The following SP3 variants were observed in gnomAD, a reference collection of about 807,000 sequenced individuals.
The protein encoded by SP3 is transcription factor Sp3.
SP3 carries 10 observed loss-of-function variants against 70.3 expected under a neutral mutation model. That is an observed-to-expected ratio of 0.14 (90% confidence interval 0.09 to 0.24). The LOEUF is 0.24. SP3 is among the 10% of genes least tolerant of loss of function. The pLI, the probability that SP3 is intolerant of heterozygous loss-of-function variation, is 1.00. For synonymous variants in SP3, 402 were observed against 333.5 expected (o/e 1.21, Z -2.24); for missense variants, 825 against 914.6 (o/e 0.90, Z 1.26).
chr2:173,964,467 C>G lies in SP3; in HGVS notation c.94G>C (p.Glu32Gln), dbSNP rs1470941593. The part of the protein sequence containing the change: ...GGGGGGGGHG[E>Q]YLQQQQQHGN... ...TGCTGTTGCTGCTGCTGCAGATACT[C>G]GCCGTGGCCGCCGCCGCCGCCACCG... Residue 32 changes from glutamate (E) to glutamine (Q), a missense_variant, in exon 2 of 7, where the codon GAG (glutamate) becomes CAG (glutamine). Around this residue, in one of 4 missense-constraint regions of SP3, gnomAD observed 678 missense variants for 651.6 expected, o/e 1.04. Coordinates refer to ENST00000310015, the MANE Select transcript of SP3 (RefSeq NM_003111.5). 2 of 710,838 alleles carry G rather than the reference C, an allele frequency of 2.8e-6. No individual in the cohort carries two copies. Among genetic ancestry groups the G allele is most frequent in the Non-Finnish European group, 5.2e-6 (2 of 385,018 alleles). The allele number at this position is 710,838 out of a possible 1,614,324, so 44.0% of individuals were successfully genotyped here. A position where few individuals can be genotyped will look rare whatever the true frequency, so the allele number is the denominator to read the frequency against.
intron 4 of SP3, among the ~76,000 whole-genome samples, chr2:173,925,836 A>G (rs1399088842): frequency 6.6e-6 from 1 of 152,204 alleles, no homozygotes; most frequent in Non-Finnish European, 1.5e-5. Context: ...TTTACTATAA[A>G]GGTTTTTTTA....
chr2:173,917,671 T>C (rs1689647485), intron 5 of SP3, among the ~76,000 whole-genome samples: 1 of 152,134 alleles, frequency 6.6e-6, no homozygotes, highest in African/African-American at 2.4e-5. Context: ...TATGTTAATT[T>C]TCACCATGAC....
At chr2:173,924,991 T>C (rs560541630) in intron 4 of SP3, among the ~76,000 whole-genome samples, 1 of 152,240 alleles carries the variant, frequency 6.6e-6, no homozygotes, top group African/African-American at 2.4e-5. Flanking sequence ...AGGTTCAAAC[T>C]ATTCTCCTGC....
chr2:173,924,973 C>T (rs1206759616), intron 4 of SP3, among the ~76,000 whole-genome samples: 3 of 152,166 alleles, frequency 2.0e-5, no homozygotes, highest in African/African-American at 4.8e-5. Flanking sequence ...CTGCAACCTC[C>T]ACCTCCCAGG....
chr2:173,950,206 G>A (rs953980554), intron 4 of SP3, among the ~76,000 whole-genome samples: 1 of 151,702 alleles, frequency 6.6e-6, no homozygotes. Flanking sequence ...AAAAAGAAGG[G>A]AACAAAGTCA....
In SP3 at chr2:173,950,319, T is replaced by TAA. The variant is rs59056112; in HGVS notation, c.1639+4552_1639+4553dup. On this transcript the variant is annotated intron_variant, in intron 4 of 6. Transcript: ENST00000310015. ...AAAGGCAAGTTCCAGAGCCCTGGTT[T>TAA]AAAAAAAAAAAAAGTACTTTCTCCT... Among the ~76,000 whole-genome samples, 706 of 144,852 alleles carry TAA rather than the reference T, an allele frequency of 4.9e-3. 12 individuals carry two copies. Among genetic ancestry groups the TAA allele is most frequent in the Admixed American group, 0.033 (477 of 14,564 alleles).
chr2:173,944,536 A>T (rs1291064024), intron 4 of SP3, among the ~76,000 whole-genome samples: 4 of 152,214 alleles, frequency 2.6e-5, no homozygotes, highest in African/African-American at 9.6e-5. Context: ...AAAACTGTTA[A>T]GTTGAATACA....
chr2:173,902,735 G>A lies in SP3; in HGVS notation c.*7206C>T, dbSNP rs7591279. On this transcript the variant is annotated 3_prime_UTR_variant, in exon 7 of 7. Transcript: ENST00000310015. Reference sequence around the variant, plus strand: ...TTGTACAGAATGATACCATTTATATGAAGTTTCAAAATCAGAAAAACAATC... The same window carrying A: ...TTGTACAGAATGATACCATTTATATAAAGTTTCAAAATCAGAAAAACAATC... Among the ~76,000 whole-genome samples the A allele has an allele frequency of 0.038, 5,770 of 152,218 alleles. 154 individuals carry two copies. The highest frequency in any genetic ancestry group is 0.1 in the Admixed American group (1,578 of 15,276).
rs769266211 is a variant in SP3, at chr2:173,956,071, C to A, written c.441G>T (p.Gln147His). 2 of 1,614,104 alleles carry A rather than the reference C, an allele frequency of 1.2e-6. No homozygotes were observed. Among genetic ancestry groups the A allele is most frequent in the South Asian group, 1.1e-5 (1 of 91,076 alleles). ...GTGCAACGGAAAATATTTGTTGATTCTGCAAATTCTGAAGGGGAAGAACAT... is the reference window on the plus strand; with the variant it reads ...GTGCAACGGAAAATATTTGTTGATTATGCAAATTCTGAAGGGGAAGAACAT... ...GQYVLPLQNL[Q>H]NQQIFSVAPG... is the part of the protein sequence containing the mutation. The change falls in exon 4 of 7, where the codon CAG becomes CAT. Residue 147 changes from glutamine (Q) to histidine (H), a missense_variant. Gln to His is a conservative substitution (Grantham distance 24, BLOSUM62 0). This residue lies in a region of SP3 where 678 missense variants were observed against 651.6 expected (regional missense o/e 1.04). Transcript: ENST00000310015.
At chr2:173,939,317 T>C (rs1338199477) in intron 4 of SP3, among the ~76,000 whole-genome samples, 2 of 152,226 alleles carry the variant, frequency 1.3e-5, no homozygotes, top group African/African-American at 2.4e-5. Context: ...GAACAGTTTC[T>C]AGTATCTTAC....
chr2:173,934,916 AC>A (rs1351359095), intron 4 of SP3, among the ~76,000 whole-genome samples: 1 of 152,224 alleles, frequency 6.6e-6, no homozygotes, highest in African/African-American at 2.4e-5. Context: ...TGGCTGAATT[AC>A]ATGAAGTAAT....
chr2:173,925,205 C>G (rs539134247), intron 4 of SP3, among the ~76,000 whole-genome samples: 27 of 152,302 alleles, frequency 1.8e-4, no homozygotes, highest in African/African-American at 6.0e-4. Flanking sequence ...GCCACATATG[C>G]TATTATATGT....
intron 4 of SP3, 136 bp downstream of exon 4, chr2:173,954,737 T>C: frequency 2.4e-6 from 2 of 822,450 alleles, no homozygotes; most frequent in South Asian, 2.0e-5. Flanking sequence ...TCTACTTTCA[T>C]ACAAACATAT....
At chr2:173,917,340 A>G (rs1689639963) in intron 5 of SP3, among the ~76,000 whole-genome samples, 1 of 152,066 alleles carries the variant, frequency 6.6e-6, no homozygotes. Flanking sequence ...TACAATAAAC[A>G]TGAATACCTA....
rs923586827 is a variant in SP3, at chr2:173,963,947, C to A, written c.157-64G>T. ...GAGGGGGTGGCGGTTAGGGTCGGGCCGCCTTTCGCACAGGAAGTACGACTC... is the reference window on the plus strand; with the variant it reads ...GAGGGGGTGGCGGTTAGGGTCGGGCAGCCTTTCGCACAGGAAGTACGACTC... On this transcript the variant is annotated intron_variant, in intron 2 of 6. Transcript: ENST00000310015. The A allele has an allele frequency of 2.9e-5, 35 of 1,208,278 alleles. No homozygotes were observed. The Admixed American group carries it at 5.5e-4, about 19-fold the overall frequency. The allele number at this position is 1,208,278 out of a possible 1,614,324, so 74.8% of individuals were successfully genotyped here.
At chr2:173,915,500 G>A (rs1228015313) in intron 5 of SP3, 1 of 151,998 alleles carries the variant, frequency 6.6e-6, no homozygotes, top group Non-Finnish European at 1.5e-5. Context: ...ATAATTTTAC[G>A]TTTTTATTCT....
At position 173,901,704 on chromosome 2, in the gene SP3, T is replaced by C. The variant is rs1164946928; in HGVS notation, c.*8237A>G. 2.0e-4 allele frequency among the ~76,000 whole-genome samples: 29 copies of C among 145,570 alleles called. No individual in the cohort carries two copies. The East Asian group carries it at 3.0e-3, about 15-fold the overall frequency. ...TTAGTTGGACTTAAGCCTTTTTTTT[T>C]TTTTTTTTTTTTTTTGAGACGAAAT... On this transcript the variant is annotated 3_prime_UTR_variant, in exon 7 of 7. Transcript: ENST00000310015.
intron 1 of SP3, 176 bp from the exon 2 acceptor site, chr2:173,964,729 G>A: frequency 2.9e-6 from 1 of 350,736 alleles, no homozygotes; most frequent in Non-Finnish European, 5.0e-6. Context: ...TCCTGCTGCT[G>A]CCCCCGCCCG....
At chr2:173,928,649 C>T (rs1352783846) in intron 4 of SP3, among the ~76,000 whole-genome samples, 2 of 152,256 alleles carry the variant, frequency 1.3e-5, no homozygotes, top group East Asian at 3.9e-4. Context: ...CTATGTATTG[C>T]TTTGAACCCC....
Sources: gnomAD v4.1 joint callset for allele counts (sites outside exome capture counted in the v4.1 genomes callset) on GRCh38, gnomAD v4.1.1 for gene constraint, gnomAD v4.1.1 regional missense constraint, MANE v1.5 for transcripts, NCBI Gene and HGNC (gene_info 2026-07-23, HGNC 2026-07-21) for gene names.